The following ELAVL2 variants were observed in gnomAD, a reference collection of about 807,000 sequenced individuals.
ELAVL2 encodes the protein ELAV-like protein 2.
A neutral mutation model predicts 34.6 loss-of-function variants in ELAVL2; 4 were observed. That is an observed-to-expected ratio of 0.12 (90% CI 0.06 to 0.26). ELAVL2 has a LOEUF of 0.26. ELAVL2 is among the 10% of genes least tolerant of loss of function. ELAVL2 has a pLI of 1.00. For missense variants in ELAVL2, 432 were observed against 442.8 expected (o/e 0.98, Z 0.22); for synonymous variants, 193 against 154.8 (o/e 1.25, Z -1.83).
chr9:23,713,541 C>T (rs1468097275), intron 3 of ELAVL2, among the ~76,000 whole-genome samples: 2 of 152,078 alleles, frequency 1.3e-5, no homozygotes, highest in Non-Finnish European at 2.9e-5. Context: ...TTAGCGTAAC[C>T]ACCAAAGAGT....
chr9:23,773,968 T>C (rs189872439), intron 1 of ELAVL2, among the ~76,000 whole-genome samples: 1 of 152,002 alleles, frequency 6.6e-6, no homozygotes, highest in Admixed American at 6.6e-5. Flanking sequence ...TCCCTGCACT[T>C]TGGGAGGCCG....
At chr9:23,778,793 GC>G (rs534685047) in intron 1 of ELAVL2, among the ~76,000 whole-genome samples, 4 of 151,852 alleles carry the variant, frequency 2.6e-5, no homozygotes, top group Non-Finnish European at 4.4e-5. Flanking sequence ...AAAAAATGAG[GC>G]AAAAAAGCAT....
At chr9:23,798,610 G>T (rs763557596) in intron 1 of ELAVL2, among the ~76,000 whole-genome samples, 1 of 152,164 alleles carries the variant, frequency 6.6e-6, no homozygotes, top group Non-Finnish European at 1.5e-5. Flanking sequence ...AAATGTTACT[G>T]TAACATTTCA....
chr9:23,817,209 A>G (rs1028575811), intron 1 of ELAVL2, among the ~76,000 whole-genome samples: 7 of 152,136 alleles, frequency 4.6e-5, no homozygotes, highest in African/African-American at 1.4e-4. Context: ...AATAGATATC[A>G]GTAATATAAA....
At chr9:23,701,094 T>C (rs2037037123) in intron 5 of ELAVL2, among the ~76,000 whole-genome samples, 3 of 152,262 alleles carry the variant, frequency 2.0e-5, no homozygotes, top group Admixed American at 6.5e-5. Context: ...CCAACATGAA[T>C]ACCTCTAGAC....
chr9:23,838,785 C>G, the ELAVL2 span, among the ~76,000 whole-genome samples: 1 of 152,012 alleles, frequency 6.6e-6, no homozygotes, highest in Non-Finnish European at 1.5e-5. Flanking sequence ...AAGTGATTTG[C>G]TTATATTTCT....
chr9:23,704,985 C>T lies in ELAVL2; in HGVS notation c.420G>A (p.Glu140=), dbSNP rs372183542. 3.7e-5 allele frequency: 60 copies of T among 1,614,032 alleles called. No individual in the cohort carries two copies. Among genetic ancestry groups the T allele is most frequent in the African/African-American group, 1.2e-4 (9 of 74,914 alleles). ...SGLPKTMTQK[E]LEQLFSQYGR... ...CATATTGTGAAAAAAGCTGTTCCAA[C>T]TCCTTCTGGGTCATTGTTTTTGGAA... The change falls in exon 4 of 7, where the codon GAG becomes GAA. Residue 140 remains glutamate, a synonymous_variant. Coordinates refer to ENST00000397312, the MANE Select transcript of ELAVL2 (RefSeq NM_004432.5).
the ELAVL2 span, among the ~76,000 whole-genome samples, chr9:23,842,342 A>T: frequency 0.5 from 75,606 of 151,772 alleles, 19,321 homozygotes; most frequent in Middle Eastern, 0.67. Context: ...TTCCAGTGCA[A>T]CTCAACTCCA....
chr9:23,774,639 T>G (rs1447158953), intron 1 of ELAVL2, among the ~76,000 whole-genome samples: 2 of 150,852 alleles, frequency 1.3e-5, no homozygotes, highest in African/African-American at 4.9e-5. Flanking sequence ...TTTTTAAAAG[T>G]GTGTGACCCC....
At chr9:23,757,082 C>T (rs769060095) in intron 2 of ELAVL2, among the ~76,000 whole-genome samples, 1 of 152,022 alleles carries the variant, frequency 6.6e-6, no homozygotes, top group Non-Finnish European at 1.5e-5. Context: ...GGATGTAGAG[C>T]CAAATTTGGG....
chr9:23,740,016 CCA>C (rs1355875812), intron 2 of ELAVL2, among the ~76,000 whole-genome samples: 1 of 152,138 alleles, frequency 6.6e-6, no homozygotes, highest in Non-Finnish European at 1.5e-5. Flanking sequence ...AACAAACTCA[CCA>C]AGTCCATGTG....
intron 2 of ELAVL2, among the ~76,000 whole-genome samples, chr9:23,739,310 C>G (rs868636140): frequency 3.7e-4 from 56 of 152,128 alleles, no homozygotes; most frequent in African/African-American, 1.3e-3. Context: ...GGTAGTTTCT[C>G]TAAAAGATAG....
At chr9:23,694,842 CGT>C (rs2034538200) in intron 5 of ELAVL2, among the ~76,000 whole-genome samples, 2 of 151,992 alleles carry the variant, frequency 1.3e-5, no homozygotes, top group African/African-American at 4.8e-5. Context: ...AAAAGATCTT[CGT>C]GTGTGAGTGT....
At chr9:23,812,054 T>C (rs1430225247) in intron 1 of ELAVL2, among the ~76,000 whole-genome samples, 1 of 152,076 alleles carries the variant, frequency 6.6e-6, no homozygotes, top group Non-Finnish European at 1.5e-5. Flanking sequence ...ACAACAGGGA[T>C]ATATCTCTTT....
chr9:23,764,097 CTT>C (rs1402437226), intron 1 of ELAVL2, among the ~76,000 whole-genome samples: 1 of 152,084 alleles, frequency 6.6e-6, no homozygotes, highest in Non-Finnish European at 1.5e-5. Context: ...GTGGGTCACT[CTT>C]TTCACAGCAA....
At chr9:23,792,428 A>C (rs574748553) in intron 1 of ELAVL2, among the ~76,000 whole-genome samples, 1 of 152,310 alleles carries the variant, frequency 6.6e-6, no homozygotes, top group South Asian at 2.1e-4. Flanking sequence ...TACCTTCACT[A>C]AAATGAGTGT....
At chr9:23,817,482 C>A (rs1019782809) in intron 1 of ELAVL2, among the ~76,000 whole-genome samples, 3 of 152,080 alleles carry the variant, frequency 2.0e-5, no homozygotes, top group Non-Finnish European at 4.4e-5. Context: ...GCATTGAGAG[C>A]CTAACTCAAA....
At chr9:23,721,064 G>A (rs1020032348) in intron 3 of ELAVL2, among the ~76,000 whole-genome samples, 43 of 152,210 alleles carry the variant, frequency 2.8e-4, no homozygotes, top group African/African-American at 8.9e-4. Context: ...TAACAACCAC[G>A]GATGCCAAGC....
chr9:23,805,353 G>A (rs1053102393), intron 1 of ELAVL2, among the ~76,000 whole-genome samples: 2 of 152,122 alleles, frequency 1.3e-5, no homozygotes, highest in African/African-American at 4.8e-5. Flanking sequence ...ACTAACAAGA[G>A]ATATGATTTG....
Sources: allele counts gnomAD v4.1 joint callset (sites outside exome capture counted in the v4.1 genomes callset), GRCh38; gene constraint gnomAD v4.1.1; transcripts MANE v1.5; gene names NCBI Gene and HGNC (gene_info 2026-07-23, HGNC 2026-07-21).